The following IFT81 variants were observed in gnomAD, a reference collection of about 807,000 sequenced individuals.
IFT81 encodes intraflagellar transport protein 81 homolog.
IFT81 carries 72 observed loss-of-function variants against 102.6 expected under a neutral mutation model. The observed-to-expected ratio is 0.70, with a 90% CI of 0.58 to 0.85. IFT81 has a LOEUF of 0.85. Ranked by LOEUF, IFT81 falls within the 40% of genes least tolerant of loss-of-function variation. The pLI, the probability that IFT81 is intolerant of heterozygous loss-of-function variation, is 0.00. For synonymous variants in IFT81, 237 were observed against 242.7 expected, an observed-to-expected ratio of 0.98 and a Z score of 0.22; for missense variants, 723 against 787.3, an observed-to-expected ratio of 0.92 and a Z score of 0.98.
At chr12:110,152,673 G>T (rs775806095) in intron 10 of IFT81, among the ~76,000 whole-genome samples, 1 of 151,324 alleles carries the variant, frequency 6.6e-6, no homozygotes, top group Non-Finnish European at 1.5e-5. Context: ...TGTCATCATA[G>T]CTCACTGCAG....
chr12:110,153,137 TC>T (rs1895635989), intron 10 of IFT81, among the ~76,000 whole-genome samples: 1 of 152,240 alleles, frequency 6.6e-6, no homozygotes, highest in Admixed American at 6.5e-5. Flanking sequence ...CTTATGCTGT[TC>T]CCTAACAGTA....
chr12:110,168,366 C>A, intron 11 of IFT81: 1 of 195,980 alleles, frequency 5.1e-6, no homozygotes, highest in Non-Finnish European at 9.2e-6. Context: ...AATTCAGAAT[C>A]ATCTTGGTAG....
chr12:110,147,120 T>C, intron 10 of IFT81, 72 bp downstream of exon 10: 2 of 1,200,494 alleles, frequency 1.7e-6, no homozygotes, highest in Non-Finnish European at 2.4e-6. Flanking sequence ...GTGTTATCTA[T>C]AGTCTTAAAG....
chr12:110,191,165 C>A, intron 13 of IFT81, 117 bp downstream of exon 13: 60 of 797,978 alleles, frequency 7.5e-5, no homozygotes, highest in Non-Finnish European at 1.0e-4. Flanking sequence ...TACATTCTTT[C>A]ATCTTTTTTT....
chr12:110,202,184 T>C (rs564808451), intron 14 of IFT81, among the ~76,000 whole-genome samples: 3 of 152,342 alleles, frequency 2.0e-5, no homozygotes, highest in African/African-American at 7.2e-5. Context: ...ATGCCTATGA[T>C]ATCACTAAGG....
At chr12:110,166,099 A>G (rs1201476685) in intron 11 of IFT81, among the ~76,000 whole-genome samples, 3 of 152,178 alleles carry the variant, frequency 2.0e-5, no homozygotes, top group African/African-American at 4.8e-5. Context: ...GAATGTTTGT[A>G]GTATGTAACT....
At chr12:110,129,835 A>ATT (rs769288376) in intron 4 of IFT81, among the ~76,000 whole-genome samples, 43 of 143,334 alleles carry the variant, frequency 3.0e-4, no homozygotes, top group African/African-American at 1.1e-3. Flanking sequence ...AAGGACTTTG[A>ATT]TTTTTTTTTT....
At chr12:110,139,817 A>T (rs867750403) in intron 8 of IFT81, among the ~76,000 whole-genome samples, 4 of 128,484 alleles carry the variant, frequency 3.1e-5, no homozygotes, top group African/African-American at 1.3e-4. Context: ...ATAAAATAAA[A>T]TAAATAAAAT....
chr12:110,208,303 G>A (rs1868949079), intron 17 of IFT81, among the ~76,000 whole-genome samples: 1 of 152,108 alleles, frequency 6.6e-6, no homozygotes, highest in Admixed American at 6.5e-5. Flanking sequence ...CAGAGTTCAA[G>A]ACCAGCCTGG....
intron 8 of IFT81, among the ~76,000 whole-genome samples, chr12:110,137,651 G>T (rs896303605): frequency 6.7e-6 from 1 of 150,052 alleles, no homozygotes; most frequent in Admixed American, 6.6e-5. Flanking sequence ...CAGGAGAATT[G>T]CTTGAACCTA....
chr12:110,207,719 C>T (rs181312187), intron 17 of IFT81, among the ~76,000 whole-genome samples: 4 of 151,798 alleles, frequency 2.6e-5, no homozygotes, highest in Admixed American at 1.3e-4. Flanking sequence ...CCCGCCACCA[C>T]GCCTGGCTAA....
intron 18 of IFT81, among the ~76,000 whole-genome samples, chr12:110,212,908 T>C (rs1057493766): frequency 7.2e-5 from 11 of 152,186 alleles, no homozygotes; most frequent in African/African-American, 2.7e-4. Flanking sequence ...TCCATATATA[T>C]CCATCATCCA....
intron 8 of IFT81, 49 bp downstream of exon 8, chr12:110,136,909 A>T: frequency 8.9e-7 from 1 of 1,127,840 alleles, no homozygotes; most frequent in Non-Finnish European, 1.3e-6. Flanking sequence ...ATATTAATTT[A>T]AATCACGATC....
chr12:110,162,909 G>C lies in IFT81; in HGVS notation c.1042-10G>C. ...ATCTTATTATACCTTCATATTTAAT[G>C]CTCAATCAGGCATCTATCATTTCCC... On this transcript the variant is annotated splice_polypyrimidine_tract_variant and intron_variant, in intron 10 of 18. Coordinates refer to ENST00000242591, the MANE Select transcript of IFT81 (RefSeq NM_014055.4). 1 of 1,597,314 alleles carries C rather than the reference G, an allele frequency of 6.3e-7. No individual in the cohort carries two copies. The highest frequency in any genetic ancestry group is 8.5e-7 in the Non-Finnish European group (1 of 1,172,550).
At chr12:110,192,731 A>G (rs1276868298) in intron 14 of IFT81, 25 bp downstream of exon 14, 2 of 1,256,184 alleles carry the variant, frequency 1.6e-6, no homozygotes, top group Non-Finnish European at 2.3e-6. Flanking sequence ...TTATCAAGTA[A>G]TTTGATTTTA....
At chr12:110,139,141 G>T (rs911604710) in intron 8 of IFT81, among the ~76,000 whole-genome samples, 1 of 151,864 alleles carries the variant, frequency 6.6e-6, no homozygotes, top group Non-Finnish European at 1.5e-5. Flanking sequence ...TTCAAGACCA[G>T]CCTGGACAAC....
intron 18 of IFT81, among the ~76,000 whole-genome samples, chr12:110,212,041 A>G (rs933315272): frequency 2.3e-4 from 35 of 152,296 alleles, no homozygotes; most frequent in Middle Eastern, 3.4e-3. Context: ...GGTATGACTC[A>G]ATACATTGGT....
intron 10 of IFT81, among the ~76,000 whole-genome samples, chr12:110,156,577 A>G (rs1010365445): frequency 5.9e-5 from 9 of 151,988 alleles, no homozygotes; most frequent in African/African-American, 2.2e-4. Flanking sequence ...ACTCACTGCA[A>G]TCTCCACCTC....
At chr12:110,155,281 G>T (rs1282031107) in intron 10 of IFT81, among the ~76,000 whole-genome samples, 1 of 151,978 alleles carries the variant, frequency 6.6e-6, no homozygotes, top group Non-Finnish European at 1.5e-5. Flanking sequence ...TGAGTCTCCT[G>T]TAGACAGCAT....
Sources: allele counts gnomAD v4.1 joint callset (sites outside exome capture counted in the v4.1 genomes callset), GRCh38; gene constraint gnomAD v4.1.1; transcripts MANE v1.5; gene names NCBI Gene and HGNC (gene_info 2026-07-23, HGNC 2026-07-21).